The following RGS19 variants were observed in gnomAD, a reference collection of about 807,000 sequenced individuals.
RGS19 encodes regulator of G protein signaling 19, also known as G alpha interacting protein.
RGS19 carries 9 observed loss-of-function variants against 22.0 expected under a neutral mutation model. That is an observed-to-expected ratio of 0.41 (90% CI 0.25 to 0.71). The LOEUF (loss-of-function observed/expected upper bound fraction) is 0.71, where lower values mean the gene tolerates loss of function less well. RGS19 is among the 30% of genes least tolerant of loss of function. The pLI is 0.32. For synonymous variants in RGS19, 130 were observed against 127.3 expected, an observed-to-expected ratio of 1.02 and a Z score of -0.14; for missense variants, 256 against 307.1, an observed-to-expected ratio of 0.83 and a Z score of 1.24.
chr20:64,079,634 C>G (rs1012934780), upstream of RGS19: 1 of 151,920 alleles, frequency 6.6e-6, no homozygotes, highest in Non-Finnish European at 1.5e-5. This position sits in a 1 kb window ranked among gnomAD's most constrained non-coding sequence, Gnocchi z 5.1. Flanking sequence ...TTTGAGCAAT[C>G]ACTTCCCCAG....
intron 5 of RGS19, 24 bp from the exon 6 acceptor site, chr20:64,074,068 A>G: frequency 6.2e-7 from 1 of 1,605,212 alleles, no homozygotes; most frequent in African/African-American, 1.3e-5. Flanking sequence ...CACTGAGGTC[A>G]GGGGGTGCGG....
At chr20:64,076,326 T>A (rs1230401451) in intron 3 of RGS19, among the ~76,000 whole-genome samples, 199 bp downstream of exon 3, 1 of 152,218 alleles carries the variant, frequency 6.6e-6, no homozygotes, top group Admixed American at 6.5e-5. Context: ...ACGAGAGCCA[T>A]ACATGAGCTC....
At chr20:64,076,989 T>TTG in intron 1 of RGS19, 35 bp from the exon 2 acceptor site, 5 of 1,143,434 alleles carry the variant, frequency 4.4e-6, no homozygotes, top group Non-Finnish European at 6.0e-6. Flanking sequence ...ACTGAGAACC[T>TTG]GAAACCCCAG....
intron 2 of RGS19, 36 bp downstream of exon 2, chr20:64,076,821 C>G (rs1180039926): frequency 6.3e-7 from 1 of 1,576,794 alleles, no homozygotes; most frequent in Admixed American, 2.0e-5. Context: ...CCCCATCTCC[C>G]CCAGGGGAGC....
chr20:64,076,224 G>A (rs574973075), intron 3 of RGS19, among the ~76,000 whole-genome samples: 1 of 152,232 alleles, frequency 6.6e-6, no homozygotes, highest in Non-Finnish European at 1.5e-5. Flanking sequence ...GCCTAGCCTG[G>A]GCTGGCTCAC....
intron 1 of RGS19, among the ~76,000 whole-genome samples, chr20:64,077,691 G>A (rs967304586): frequency 6.6e-6 from 1 of 152,192 alleles, no homozygotes; most frequent in Non-Finnish European, 1.5e-5. Context: ...TGGCAGGGGT[G>A]GGGGGCACCC....
chr20:64,074,232 T>A lies in RGS19; in HGVS notation c.374A>T (p.Glu125Val). The A allele has an allele frequency of 6.2e-7, 1 of 1,613,912 alleles. No homozygotes were observed. Among genetic ancestry groups the A allele is most frequent in the Non-Finnish European group, 8.5e-7 (1 of 1,179,996 alleles). The change falls in exon 5 of 6, where the codon GAG (glutamate) becomes GTG (valine). Residue 125 changes from glutamate (E) to valine (V), a missense_variant. Transcript: ENST00000395042. ...ENMLFWLACE[E>V]LKAEANQHVV... ...ATGCTGGTTGGCCTCGGCCTTCAGCTCCTCGCAGGCCAACCAGAAGAGCAT... is the reference window on the plus strand; with the variant it reads ...ATGCTGGTTGGCCTCGGCCTTCAGCACCTCGCAGGCCAACCAGAAGAGCAT...
intron 1 of RGS19, 51 bp from the exon 2 acceptor site, chr20:64,077,005 G>T: frequency 1.0e-6 from 1 of 992,998 alleles, no homozygotes; most frequent in Non-Finnish European, 1.4e-6. Context: ...CCCAGCCCCT[G>T]CCTACCCCTT....
intron 1 of RGS19, among the ~76,000 whole-genome samples, chr20:64,078,666 C>G (rs1435482598): frequency 6.6e-6 from 1 of 152,166 alleles, no homozygotes; most frequent in African/African-American, 2.4e-5. Context: ...GACCTGGTCA[C>G]CTGTCCCTGG....
At position 64,074,521 on chromosome 20, in the gene RGS19, G is replaced by C; in HGVS notation, c.173C>G (p.Ala58Gly). Reference sequence around the variant, plus strand: ...CTTGCTCTCCCGGGAGGCCTGCCACGCGCGCCGCCGCTCTTGGTTCCTAGT... The same window carrying C: ...CTTGCTCTCCCGGGAGGCCTGCCACCCGCGCCGCCGCTCTTGGTTCCTAGT... ...SCSWNQERRR[A>G]WQASRESKLQ... Residue 58 changes from alanine (A) to glycine (G), a missense_variant, in exon 4 of 6, where the codon GCG (alanine) becomes GGG (glycine). Transcript: ENST00000395042. The C allele has an allele frequency of 6.4e-7, 1 of 1,564,844 alleles. No individual in the cohort carries two copies. The highest frequency in any genetic ancestry group is 8.7e-7 in the Non-Finnish European group (1 of 1,155,500).
intron 2 of RGS19, 51 bp downstream of exon 2, chr20:64,076,806 C>T: frequency 6.4e-7 from 1 of 1,572,110 alleles, no homozygotes; most frequent in Non-Finnish European, 8.6e-7. Flanking sequence ...CCTCAGCTTG[C>T]CCCACCCCAT....
rs1453932991 is a variant in RGS19, at chr20:64,075,484, C to A, written c.153-943G>T. 1.3e-5 allele frequency among the ~76,000 whole-genome samples: 2 copies of A among 152,176 alleles called. No individual in the cohort carries two copies. Among genetic ancestry groups the A allele is most frequent in the Non-Finnish European group, 2.9e-5 (2 of 68,012 alleles). On this transcript the variant is annotated intron_variant, in intron 3 of 5. Coordinates refer to ENST00000395042, the MANE Select transcript of RGS19 (RefSeq NM_005873.3). This position sits in a 1 kb window ranked among gnomAD's most constrained non-coding sequence, Gnocchi z 4.6. ...ACCCAAACGTCCTGACAGAACTAGG[C>A]CCCTGGGCTCCTCCCACCCCCTTTC...
intron 1 of RGS19, among the ~76,000 whole-genome samples, chr20:64,077,229 G>A (rs1025952907): frequency 2.0e-5 from 3 of 152,112 alleles, no homozygotes; most frequent in African/African-American, 4.8e-5. Context: ...ACCCCCATCC[G>A]CTCACTCCCT....
At chr20:64,077,518 G>A (rs944104805) in intron 1 of RGS19, among the ~76,000 whole-genome samples, 3 of 152,198 alleles carry the variant, frequency 2.0e-5, no homozygotes, top group Non-Finnish European at 2.9e-5. Flanking sequence ...TGGGAAGGGG[G>A]GCAGGGCCCC....
Position 64,074,222 on chromosome 20 carries a change from G to C in RGS19, c.384C>G (p.Ala128=), listed in dbSNP as rs148013345. Residue 128 remains alanine, a synonymous_variant, in exon 5 of 6, where the codon GCC becomes GCG. Transcript: ENST00000395042. The part of the protein sequence containing the change: ...LFWLACEELK[A]EANQHVVDEK... Reference sequence around the variant, plus strand: ...CGTCTACCACATGCTGGTTGGCCTCGGCCTTCAGCTCCTCGCAGGCCAACC... The same window carrying C: ...CGTCTACCACATGCTGGTTGGCCTCCGCCTTCAGCTCCTCGCAGGCCAACC... 18 of 1,613,964 alleles carry C rather than the reference G, an allele frequency of 1.1e-5. No homozygotes were observed. Among genetic ancestry groups the C allele is most frequent in the Admixed American group, 1.7e-5 (1 of 60,010 alleles).
Position 64,076,505 on chromosome 20 carries a change from G to A in RGS19, c.152+20C>T. 1 of 1,612,122 alleles carries A rather than the reference G, an allele frequency of 6.2e-7. No homozygotes were observed. Among genetic ancestry groups the A allele is most frequent in the Non-Finnish European group, 8.5e-7 (1 of 1,179,682 alleles). On this transcript the variant is annotated intron_variant, in intron 3 of 5. Transcript: ENST00000395042. ...TGCCCTCGACCCCCTCGCCAGCTGG[G>A]CACCCCAGGCCCTACTCACCAGGAG...
In RGS19 at chr20:64,075,031, A is replaced by G. The variant is rs1181120361; in HGVS notation, c.153-490T>C. On this transcript the variant is annotated intron_variant, in intron 3 of 5. Coordinates refer to ENST00000395042, the MANE Select transcript of RGS19 (RefSeq NM_005873.3). This position sits in a 1 kb window ranked among gnomAD's most constrained non-coding sequence, Gnocchi z 4.6. ...GGGTGGGGCAAGATGAGGGGCCACA[A>G]GGAGCTGGGAGATCCCTGAACACCT... Among the ~76,000 whole-genome samples the G allele has an allele frequency of 2.0e-5, 3 of 152,206 alleles. No individual in the cohort carries two copies. Among genetic ancestry groups the G allele is most frequent in the South Asian group, 2.1e-4 (1 of 4,834 alleles).
At chr20:64,077,903 G>A (rs1326797846) in intron 1 of RGS19, among the ~76,000 whole-genome samples, 2 of 152,166 alleles carry the variant, frequency 1.3e-5, no homozygotes, top group African/African-American at 2.4e-5. Flanking sequence ...TGCCCCGGAG[G>A]CAGTTGTGAA....
At chr20:64,079,527 G>C (rs2059941193), upstream of RGS19, 1 of 151,832 alleles carries the variant, frequency 6.6e-6, no homozygotes, top group African/African-American at 2.4e-5. This position sits in a 1 kb window ranked among gnomAD's most constrained non-coding sequence, Gnocchi z 5.1. Flanking sequence ...CCAGCGGGGT[G>C]GGGGCGGGGG....
Sources: gnomAD v4.1 joint callset for allele counts (sites outside exome capture counted in the v4.1 genomes callset) on GRCh38, gnomAD v4.1.1 for gene constraint, Gnocchi (gnomAD v3.1) non-coding constraint, MANE v1.5 for transcripts, NCBI Gene and HGNC (gene_info 2026-07-23, HGNC 2026-07-21) for gene names.